The following RALYL variants were observed in gnomAD, a reference collection of about 807,000 sequenced individuals.
RALYL encodes RNA-binding Raly-like protein.
In RALYL, 29 loss-of-function variants were observed where a neutral mutation model predicts 35.1. That is an observed-to-expected ratio of 0.83 (90% CI 0.61 to 1.13). The LOEUF (loss-of-function observed/expected upper bound fraction) is 1.13. Ranked by LOEUF, RALYL falls within the 50% of genes most tolerant of loss-of-function variation. RALYL has a pLI of 0.00. For missense variants in RALYL, 359 were observed against 360.4 expected (o/e 1.00, Z 0.03); for synonymous variants, 120 against 127.6 (o/e 0.94, Z 0.40).
chr8:84,255,792 C>G (rs558072614), intron 1 of RALYL, among the ~76,000 whole-genome samples: 35 of 151,928 alleles, frequency 2.3e-4, no homozygotes, highest in Middle Eastern at 3.4e-3. Flanking sequence ...AGAGTTTTCC[C>G]CGGAAAATTT....
chr8:84,479,060 T>C (rs1255349549), intron 1 of RALYL, among the ~76,000 whole-genome samples: 1 of 107,200 alleles, frequency 9.3e-6, no homozygotes, highest in Non-Finnish European at 1.7e-5. Context: ...CACTCCAGCC[T>C]AGGTGACAGA....
chr8:84,382,934 TTTA>T (rs2131626215), intron 1 of RALYL, among the ~76,000 whole-genome samples: 1 of 151,894 alleles, frequency 6.6e-6, no homozygotes, highest in South Asian at 2.1e-4. Context: ...ACTGAGAGTG[TTTA>T]TTAATTTGTT....
At chr8:84,229,462 GTGTTTC>G (rs1428113463) in intron 1 of RALYL, among the ~76,000 whole-genome samples, 1 of 152,190 alleles carries the variant, frequency 6.6e-6, no homozygotes, top group African/African-American at 2.4e-5. Flanking sequence ...ATTGCTACTT[GTGTTTC>G]TTACACTAGA....
At chr8:84,358,556 AATG>A (rs1852324352) in intron 1 of RALYL, among the ~76,000 whole-genome samples, 1 of 152,006 alleles carries the variant, frequency 6.6e-6, no homozygotes, top group African/African-American at 2.4e-5. Context: ...TGGATTAGTA[AATG>A]ATGAGCGTGG....
chr8:84,501,509 C>A, intron 1 of RALYL, among the ~76,000 whole-genome samples: 1 of 151,948 alleles, frequency 6.6e-6, no homozygotes, highest in East Asian at 1.9e-4. Context: ...TTGACATATT[C>A]TGTGATGTCA....
chr8:84,578,311 CT>C (rs1014839228), intron 2 of RALYL, among the ~76,000 whole-genome samples: 12 of 152,218 alleles, frequency 7.9e-5, no homozygotes, highest in African/African-American at 2.7e-4. Context: ...TGCCCAGAAG[CT>C]TAGAGCTGCA....
chr8:84,631,691 A>C (rs1416990498), intron 2 of RALYL, among the ~76,000 whole-genome samples: 1 of 151,958 alleles, frequency 6.6e-6, no homozygotes, highest in Non-Finnish European at 1.5e-5. Flanking sequence ...CTGGAAAGAA[A>C]GAGGGTCAGG....
chr8:84,331,534 A>G (rs780967508), intron 1 of RALYL, among the ~76,000 whole-genome samples: 2 of 152,064 alleles, frequency 1.3e-5, no homozygotes, highest in Admixed American at 6.6e-5. Flanking sequence ...AAATCCCATG[A>G]AAGTTAGTAT....
At chr8:84,316,909 T>C (rs1288858038) in intron 1 of RALYL, among the ~76,000 whole-genome samples, 1 of 152,202 alleles carries the variant, frequency 6.6e-6, no homozygotes, top group Non-Finnish European at 1.5e-5. Flanking sequence ...TGCTTAGCAC[T>C]GTTTTAGTTA....
At chr8:84,230,712 T>G (rs932524483) in intron 1 of RALYL, among the ~76,000 whole-genome samples, 1 of 152,212 alleles carries the variant, frequency 6.6e-6, no homozygotes. Context: ...TGAGCACATT[T>G]TTATGCCAAG....
chr8:84,298,112 G>T (rs917308615), intron 1 of RALYL, among the ~76,000 whole-genome samples: 3 of 151,932 alleles, frequency 2.0e-5, no homozygotes, highest in Admixed American at 2.0e-4. Context: ...CTTTGCCAGA[G>T]CCTATGTTCA....
chr8:84,243,777 G>C (rs1440799058), intron 1 of RALYL, among the ~76,000 whole-genome samples: 1 of 152,026 alleles, frequency 6.6e-6, no homozygotes, highest in African/African-American at 2.4e-5. Context: ...TACCCTTCTA[G>C]CTGGGCTGGT....
chr8:84,187,057 T>C (rs1377127004), intron 1 of RALYL, among the ~76,000 whole-genome samples: 3 of 152,140 alleles, frequency 2.0e-5, no homozygotes, highest in African/African-American at 7.2e-5. Context: ...AAAAAAAGTT[T>C]CTATTTTGTA....
chr8:84,214,818 G>A (rs78423202), intron 1 of RALYL, among the ~76,000 whole-genome samples: 2,983 of 151,764 alleles, frequency 0.02, 102 homozygotes, highest in African/African-American at 0.067. Flanking sequence ...TTTACCTATT[G>A]CGTTTAATAA....
At chr8:84,715,017 A>G (rs1230136289) in intron 2 of RALYL, among the ~76,000 whole-genome samples, 3 of 152,004 alleles carry the variant, frequency 2.0e-5, no homozygotes, top group Non-Finnish European at 4.4e-5. Context: ...TAACTAGATG[A>G]CTTTATTTTT....
intron 1 of RALYL, among the ~76,000 whole-genome samples, chr8:84,445,844 A>C (rs1257069955): frequency 6.6e-6 from 1 of 151,382 alleles, no homozygotes; most frequent in East Asian, 1.9e-4. Context: ...TTCACAAGTA[A>C]AGTTATATAT....
intron 4 of RALYL, among the ~76,000 whole-genome samples, chr8:84,811,084 A>AACTT (rs562371952): frequency 3.3e-4 from 49 of 149,872 alleles, no homozygotes; most frequent in East Asian, 5.9e-4. Context: ...TTTTCTTTTT[A>AACTT]ACTTATACTT....
At chr8:84,545,068 C>A (rs1262349080) in intron 2 of RALYL, among the ~76,000 whole-genome samples, 1 of 151,992 alleles carries the variant, frequency 6.6e-6, no homozygotes, top group Non-Finnish European at 1.5e-5. Context: ...TCTCCTCATG[C>A]AGTTTATGTC....
intron 1 of RALYL, among the ~76,000 whole-genome samples, chr8:84,283,071 G>T (rs909040283): frequency 6.6e-6 from 1 of 151,884 alleles, no homozygotes; most frequent in Non-Finnish European, 1.5e-5. Context: ...TTTAAGAAAA[G>T]AACAAAGTAT....
Sources: gnomAD v4.1 joint callset for allele counts (sites outside exome capture counted in the v4.1 genomes callset) on GRCh38, gnomAD v4.1.1 for gene constraint, MANE v1.5 for transcripts, NCBI Gene and HGNC (gene_info 2026-07-23, HGNC 2026-07-21) for gene names.